Variants in RNF31 observed in about 807,000 individuals in gnomAD.
RNF31 encodes E3 ubiquitin-protein ligase RNF31.
In RNF31, 38 loss-of-function variants were observed where a neutral mutation model predicts 133.6. The ratio of observed to expected loss-of-function variants is 0.28; its 90% confidence interval spans 0.22 to 0.37. The LOEUF is 0.37. Among genes scored for constraint, RNF31 ranks in the 10% least tolerant of loss-of-function variants. The pLI, the probability that RNF31 is intolerant of heterozygous loss-of-function variation, is 1.00. For missense variants in RNF31, 1,118 were observed against 1,394.1 expected, an observed-to-expected ratio of 0.80 and a Z score of 3.15; for synonymous variants, 582 against 552.3, an observed-to-expected ratio of 1.05 and a Z score of -0.75.
rs748180817 is a variant in RNF31, at chr14:24,160,425, C to T, written c.3165+18C>T. ...TGTTACAGGTATAGCCTCCACCCAGCCTCATCTCTTAACCCACCCTACAGA... is the reference window on the plus strand; with the variant it reads ...TGTTACAGGTATAGCCTCCACCCAGTCTCATCTCTTAACCCACCCTACAGA... On this transcript the variant is annotated intron_variant, in intron 20 of 20. Transcript: ENST00000324103. This position sits in a 1 kb window ranked among gnomAD's most constrained non-coding sequence, Gnocchi z 4.0. 1.9e-6 allele frequency: 3 copies of T among 1,611,166 alleles called. No individual in the cohort carries two copies. The highest frequency in any genetic ancestry group is 1.7e-6 in the Non-Finnish European group (2 of 1,177,832).
At position 24,159,064 on chromosome 14, in the gene RNF31, G is replaced by T. The variant is rs1250500122; in HGVS notation, c.2900-800G>T. Among the ~76,000 whole-genome samples, 28 of 148,722 alleles carry T rather than the reference G, an allele frequency of 1.9e-4. No individual in the cohort carries two copies. In the East Asian group the frequency reaches 4.9e-3, roughly 26 times the overall value. On this transcript the variant is annotated intron_variant, in intron 18 of 20. Transcript: ENST00000324103. ...AAAAAAAAAAAAAAAAAAAAATGTG[G>T]CTGGGCACGGTGGCTCATGCCTGTA...
rs367628787 is a variant in RNF31, at chr14:24,148,265, G to A, written c.347G>A (p.Arg116Gln). Residue 116 changes from arginine to glutamine, a missense_variant, in exon 3 of 21, where the codon CGA becomes CAA. Arg to Gln is a conservative substitution (Grantham distance 43). This residue lies in a region of RNF31 where 747 missense variants were observed against 827.9 expected (regional missense o/e 0.90). Coordinates refer to ENST00000324103, the MANE Select transcript of RNF31 (RefSeq NM_017999.5). The stretch of plus-strand genomic sequence containing the variant: ...CGTTTGAATGTGTGGCAGGGGGGCC[G>A]AGATGTGCTGCGATTATATGGCTAC... The part of the protein sequence containing the change: ...RSTVDAVQGG[R>Q]DVLRLYGYTE... 6.2e-7 allele frequency: 1 copy of A among 1,614,130 alleles called. No individual in the cohort carries two copies. The highest frequency in any genetic ancestry group is 8.5e-7 in the Non-Finnish European group (1 of 1,180,020).
rs759248708 is a variant in RNF31 at position 24,150,869 on chromosome 14, A to C, written c.1469A>C (p.Gln490Pro). Reference sequence around the variant, plus strand: ...GACAAGATGCGGGAAGAAGGCCTCCAGCTAGTGAGCATGATCCGGGTAAGG... The same window carrying C: ...GACAAGATGCGGGAAGAAGGCCTCCCGCTAGTGAGCATGATCCGGGTAAGG... ...RQDKMREEGLQLVSMIREGEA... is the reference protein window; with the variant it reads ...RQDKMREEGLPLVSMIREGEA... Residue 490 changes from glutamine to proline, a missense_variant, in exon 8 of 21, where the codon CAG (glutamine) becomes CCG (proline). Coordinates refer to ENST00000324103, the MANE Select transcript of RNF31 (RefSeq NM_017999.5). 22 of 1,560,296 alleles carry C rather than the reference A, an allele frequency of 1.4e-5. No homozygotes were observed. Among genetic ancestry groups the C allele is most frequent in the Non-Finnish European group, 1.9e-5 (22 of 1,152,070 alleles).
In RNF31 at chr14:24,151,587, C is replaced by T. The variant is rs755263144; in HGVS notation, c.1840C>T (p.Arg614Cys). 3 of 1,614,082 alleles carry T rather than the reference C, an allele frequency of 1.9e-6. No homozygotes were observed. Among genetic ancestry groups the T allele is most frequent in the East Asian group, 2.2e-5 (1 of 44,876 alleles). Residue 614 changes from arginine (R) to cysteine (C), a missense_variant, in exon 10 of 21, where the codon CGC (arginine) becomes TGC (cysteine). Arg to Cys is a radical substitution (Grantham distance 180, BLOSUM62 -3). Coordinates refer to ENST00000324103, the MANE Select transcript of RNF31 (RefSeq NM_017999.5). The surrounding 1 kb of genome is among the most constrained non-coding windows in gnomAD (Gnocchi z 5.3). Reference protein sequence around the residue: ...DVSRALTELQRQRLEPFRQRL... With the variant: ...DVSRALTELQCQRLEPFRQRL... ...GTCACGGGCCCTGACTGAGCTACAGCGCCAACGCCTAGAGCCCTTCCGCCA... is the reference window on the plus strand; with the variant it reads ...GTCACGGGCCCTGACTGAGCTACAGTGCCAACGCCTAGAGCCCTTCCGCCA...
intron 16 of RNF31, 75 bp from the exon 17 acceptor site, chr14:24,157,823 C>A: frequency 7.7e-7 from 1 of 1,301,128 alleles, no homozygotes; most frequent in Non-Finnish European, 1.1e-6. Context: ...CCTTACACCC[C>A]TCACGCAGGG....
rs777346008 is a variant in RNF31 at position 24,150,177 on chromosome 14, G to C, written c.926G>C (p.Cys309Ser). The change falls in exon 7 of 21, where the codon TGT (cysteine) becomes TCT (serine). Residue 309 changes from cysteine (C) to serine (S), a missense_variant. Around this residue, in one of 3 missense-constraint regions of RNF31, gnomAD observed 747 missense variants for 827.9 expected, o/e 0.90. Coordinates refer to ENST00000324103, the MANE Select transcript of RNF31 (RefSeq NM_017999.5). Reference sequence around the variant, plus strand: ...CATTTGCCCTGGCACTGTGCTGCCTGTGCCATGCTAAATGAGCCTTGGGCA... The same window carrying C: ...CATTTGCCCTGGCACTGTGCTGCCTCTGCCATGCTAAATGAGCCTTGGGCA... ...SAHLPWHCAA[C>S]AMLNEPWAVL... 1.2e-6 allele frequency: 2 copies of C among 1,614,190 alleles called. No homozygotes were observed. The highest frequency in any genetic ancestry group is 1.7e-6 in the Non-Finnish European group (2 of 1,180,032).
chr14:24,149,582 A>C lies in RNF31; in HGVS notation c.808A>C (p.Ser270Arg), dbSNP rs747784372. Residue 270 changes from serine (S) to arginine (R), a missense_variant and splice_region_variant, in exon 6 of 21, where the codon AGT (serine) becomes CGT (arginine). By Grantham distance (110) the Ser-to-Arg change is moderately radical. Coordinates refer to ENST00000324103, the MANE Select transcript of RNF31 (RefSeq NM_017999.5). The part of the protein sequence containing the change: ...GVLQGTHLSP[S>R]LPASAQPRPQ... ...CCTGCAGGGTACCCACCTGAGCCCC[A>C]GGTGAGAGGGCTTCTCTTCTGGGTG... 1 of 1,611,586 alleles carries C rather than the reference A, an allele frequency of 6.2e-7. No individual in the cohort carries two copies. The highest frequency in any genetic ancestry group is 8.5e-7 in the Non-Finnish European group (1 of 1,178,698).
rs1334781055 is a variant in RNF31, at chr14:24,157,963, C to T, written c.2793C>T (p.Leu931=). 3.1e-6 allele frequency: 5 copies of T among 1,614,086 alleles called. No individual in the cohort carries two copies. The East Asian group carries it at 1.1e-4, about 36-fold the overall frequency. The part of the protein sequence containing the change: ...SLHGHHPRDC[L]FYLRDWTALR... ...ACGGCCACCACCCTCGAGACTGCCT[C>T]TTCTACCTGCGGGACTGGACTGCTC... Residue 931 remains leucine (L), a synonymous_variant, in exon 17 of 21, where the codon CTC becomes CTT. Coordinates refer to ENST00000324103, the MANE Select transcript of RNF31 (RefSeq NM_017999.5).
At position 24,148,354 on chromosome 14, in the gene RNF31, G is replaced by A. The variant is rs1433041738; in HGVS notation, c.436G>A (p.Val146Ile). 18 of 1,614,086 alleles carry A rather than the reference G, an allele frequency of 1.1e-5. No homozygotes were observed. The highest frequency in any genetic ancestry group is 1.5e-5 in the Non-Finnish European group (18 of 1,180,030). Residue 146 changes from valine to isoleucine, a missense_variant, in exon 3 of 21, where the codon GTT becomes ATT. Transcript: ENST00000324103. ...GCAGGAGGAGCCAGATGAGCACCAG[G>A]TTGCTACAGTCACACTGGAAGTACT... ...EGQEEPDEHQVATVTLEVLLL... is the reference protein window; with the variant it reads ...EGQEEPDEHQIATVTLEVLLL...
intron 11 of RNF31, among the ~76,000 whole-genome samples, chr14:24,153,733 GTC>G (rs1313761797): frequency 1.3e-5 from 2 of 151,916 alleles, no homozygotes; most frequent in East Asian, 3.9e-4. Context: ...GTGAAACCCT[GTC>G]TCTACAAAAA....
In RNF31 at chr14:24,149,952, C is replaced by T. The variant is rs924421121; in HGVS notation, c.810-109C>T. 7.6e-6 allele frequency: 10 copies of T among 1,323,434 alleles called. No homozygotes were observed. The Admixed American group carries it at 1.8e-4, about 24-fold the overall frequency. 82.0% of individuals were successfully genotyped at this position (1,323,434 alleles called of 1,614,324 possible). On this transcript the variant is annotated intron_variant, in intron 6 of 20. Transcript: ENST00000324103. ...GAGTATTCGAGACAGACAATGTGTG[C>T]AAAGGCCAGTGACATGAGTTGTTAC...
In RNF31 at chr14:24,148,699, G is replaced by A; in HGVS notation, c.553G>A (p.Asp185Asn). 6.2e-7 allele frequency: 1 copy of A among 1,614,186 alleles called. No individual in the cohort carries two copies. Among genetic ancestry groups the A allele is most frequent in the East Asian group, 2.2e-5 (1 of 44,888 alleles). Reference sequence around the variant, plus strand: ...GCTGTTGGAAGACAAGGTTGAAGATGATGTAAGGAAGGCAGGAAAGGGGCT... The same window carrying A: ...GCTGTTGGAAGACAAGGTTGAAGATAATGTAAGGAAGGCAGGAAAGGGGCT... Reference protein sequence around the residue: ...EQLLEDKVEDDMLQLSEFDPL... With the variant: ...EQLLEDKVEDNMLQLSEFDPL... The change falls in exon 4 of 21, where the codon GAT becomes AAT. Residue 185 changes from aspartate to asparagine, a missense_variant and splice_region_variant. By Grantham distance (23) the Asp-to-Asn change is conservative. This residue lies in a region of RNF31 where 747 missense variants were observed against 827.9 expected (regional missense o/e 0.90). Coordinates refer to ENST00000324103, the MANE Select transcript of RNF31 (RefSeq NM_017999.5).
intron 8 of RNF31, 24 bp downstream of exon 8, chr14:24,150,912 G>T: frequency 5.2e-6 from 8 of 1,540,322 alleles, no homozygotes; most frequent in Non-Finnish European, 7.0e-6. Flanking sequence ...CTGCGATGAG[G>T]TAGGGCTGAG....
chr14:24,150,955 A>G (rs529236332), intron 8 of RNF31, 67 bp downstream of exon 8: 2 of 1,518,948 alleles, frequency 1.3e-6, no homozygotes, highest in East Asian at 4.6e-5. Context: ...GCAGGTGGTT[A>G]ATAGTTTCTA....
Position 24,157,362 on chromosome 14 carries a change from C to G in RNF31, c.2566C>G (p.Gln856Glu), listed in dbSNP as rs1201888044. 3 of 1,612,348 alleles carry G rather than the reference C, an allele frequency of 1.9e-6. No homozygotes were observed. Among genetic ancestry groups the G allele is most frequent in the Non-Finnish European group, 2.5e-6 (3 of 1,178,674 alleles). ...GAAACGCATGAACGACCCAGAATAC[C>G]AGGCCCAGGGCCTAGCAATGTATCT... ...NWKRMNDPEYQAQGLAMYLQE... is the reference protein window; with the variant it reads ...NWKRMNDPEYEAQGLAMYLQE... The change falls in exon 15 of 21, where the codon CAG becomes GAG. Residue 856 changes from glutamine (Q) to glutamate (E), a missense_variant. Gln to Glu is a conservative substitution (Grantham distance 29, BLOSUM62 2). Transcript: ENST00000324103.
intron 17 of RNF31, 23 bp downstream of exon 17, chr14:24,158,034 G>C (rs778391368): frequency 1.2e-6 from 2 of 1,612,978 alleles, no homozygotes; most frequent in Non-Finnish European, 1.7e-6. Flanking sequence ...CAGGAGAGAA[G>C]AAGACAGGGC....
At position 24,150,476 on chromosome 14, in the gene RNF31, T is replaced by C. The variant is rs773258872; in HGVS notation, c.1197+28T>C. ...AACTGGCCTTCCCAGCTCTTTATCG[T>C]GTGTTACCTCAGGCATTCTCTTCCC... On this transcript the variant is annotated intron_variant, in intron 7 of 20. Transcript: ENST00000324103. 14 of 1,591,640 alleles carry C rather than the reference T, an allele frequency of 8.8e-6. No individual in the cohort carries two copies. The African/African-American group carries it at 1.1e-4, about 12-fold the overall frequency.
In RNF31 at chr14:24,159,125, A is replaced by T. The variant is rs183295647; in HGVS notation, c.2900-739A>T. ...TTTGGGAGGCCGAGGCAGGTGGATCACCTGACGTCAGGAGTTCGTGACCAA... is the reference window on the plus strand; with the variant it reads ...TTTGGGAGGCCGAGGCAGGTGGATCTCCTGACGTCAGGAGTTCGTGACCAA... On this transcript the variant is annotated intron_variant, in intron 18 of 20. Transcript: ENST00000324103. Among the ~76,000 whole-genome samples the T allele has an allele frequency of 4.0e-3, 595 of 150,336 alleles. 3 individuals are homozygous for T. The highest frequency in any genetic ancestry group is 0.014 in the African/African-American group (567 of 40,762).
intron 15 of RNF31, 30 bp from the exon 16 acceptor site, chr14:24,157,490 G>C: frequency 6.2e-7 from 1 of 1,607,060 alleles, no homozygotes; most frequent in Non-Finnish European, 8.5e-7. Flanking sequence ...TGCAGCGGCA[G>C]CTCCAGCCCT....
Sources: gnomAD v4.1 joint callset for allele counts (sites outside exome capture counted in the v4.1 genomes callset) on GRCh38, gnomAD v4.1.1 for gene constraint, gnomAD v4.1.1 regional missense constraint, Gnocchi (gnomAD v3.1) non-coding constraint, MANE v1.5 for transcripts, NCBI Gene and HGNC (gene_info 2026-07-23, HGNC 2026-07-21) for gene names.